Variants in RARB observed in about 807,000 individuals in gnomAD.
The protein encoded by RARB is retinoic acid receptor beta, also known as HBV-activated protein.
A neutral mutation model predicts 51.9 loss-of-function variants in RARB; 17 were observed. That is an observed-to-expected ratio of 0.33 (90% confidence interval 0.22 to 0.49). RARB has a LOEUF of 0.49. RARB is among the 20% of genes least tolerant of loss of function. The pLI, the probability that RARB is intolerant of heterozygous loss-of-function variation, is 0.99. For missense variants in RARB, 369 were observed against 550.8 expected (o/e 0.67, Z 3.30); for synonymous variants, 215 against 195.4 (o/e 1.10, Z -0.84).
chr3:25,063,586 G>T (rs1466190567), intron 3 of RARB, among the ~76,000 whole-genome samples: 3 of 151,960 alleles, frequency 2.0e-5, no homozygotes, highest in African/African-American at 7.3e-5. Context: ...AGTGAAAAAT[G>T]CTTCCAATAA....
At chr3:24,968,853 A>T (rs1696333130) in intron 2 of RARB, among the ~76,000 whole-genome samples, 1 of 152,160 alleles carries the variant, frequency 6.6e-6, no homozygotes, top group South Asian at 2.1e-4. Context: ...GCAAGGAAAC[A>T]TATGTAAATG....
intron 5 of RARB, among the ~76,000 whole-genome samples, chr3:25,413,726 T>G (rs1707627586): frequency 6.6e-6 from 1 of 152,204 alleles, no homozygotes; most frequent in Non-Finnish European, 1.5e-5. Flanking sequence ...ATTGTGGTCT[T>G]AAATTTTATT....
chr3:25,558,534 T>C (rs1419697814), intron 3 of RARB, among the ~76,000 whole-genome samples: 1 of 145,772 alleles, frequency 6.9e-6, no homozygotes, highest in Non-Finnish European at 1.5e-5. Context: ...TGGCCCTTTT[T>C]TTTTTTTTTT....
intron 2 of RARB, among the ~76,000 whole-genome samples, chr3:24,908,393 G>A (rs1694912785): frequency 2.0e-5 from 3 of 152,094 alleles, no homozygotes; most frequent in Admixed American, 2.0e-4. Flanking sequence ...GTCACCATAT[G>A]CTATGTACAT....
intron 3 of RARB, among the ~76,000 whole-genome samples, chr3:25,545,158 T>G (rs527570808): frequency 1.3e-5 from 2 of 152,228 alleles, no homozygotes; most frequent in African/African-American, 4.8e-5. Context: ...TTGGCCAGGC[T>G]GGTCTCGAAC....
intron 5 of RARB, among the ~76,000 whole-genome samples, chr3:25,336,024 T>C (rs1247886090): frequency 1.3e-5 from 2 of 151,374 alleles, no homozygotes; most frequent in Admixed American, 6.6e-5. Context: ...ATTTTCCTAA[T>C]AGGTTTTTTT....
At chr3:25,103,658 C>A (rs916010378) in intron 3 of RARB, among the ~76,000 whole-genome samples, 2 of 152,216 alleles carry the variant, frequency 1.3e-5, no homozygotes, top group African/African-American at 2.4e-5. Context: ...AGCTAATCCT[C>A]ACAGCTAATT....
intron 5 of RARB, among the ~76,000 whole-genome samples, chr3:25,349,979 T>G (rs1192304143): frequency 1.3e-5 from 2 of 152,106 alleles, no homozygotes; most frequent in African/African-American, 4.8e-5. Context: ...GGCCTTGGTT[T>G]TCCTCTCTGT....
intron 1 of RARB, among the ~76,000 whole-genome samples, chr3:24,836,191 G>A (rs1702343032): frequency 6.6e-6 from 1 of 152,160 alleles, no homozygotes; most frequent in Admixed American, 6.6e-5. Flanking sequence ...GACCACCAAG[G>A]AATGAGCAAA....
chr3:25,184,616 C>T (rs978690089), intron 5 of RARB, among the ~76,000 whole-genome samples: 1 of 151,978 alleles, frequency 6.6e-6, no homozygotes, highest in Non-Finnish European at 1.5e-5. Flanking sequence ...GATTTTTAAC[C>T]TCTGTGTGCC....
chr3:25,348,247 A>G (rs1444523476), intron 5 of RARB, among the ~76,000 whole-genome samples: 1 of 152,200 alleles, frequency 6.6e-6, no homozygotes, highest in African/African-American at 2.4e-5. Flanking sequence ...TAAACTATAT[A>G]AAAACAGATA....
chr3:24,904,813 C>T (rs1034347391), intron 2 of RARB, among the ~76,000 whole-genome samples: 1 of 152,136 alleles, frequency 6.6e-6, no homozygotes, highest in Non-Finnish European at 1.5e-5. Context: ...ACATATACAC[C>T]ATGGAATACT....
chr3:25,536,139 T>A (rs1440067658), intron 3 of RARB, among the ~76,000 whole-genome samples: 1 of 152,174 alleles, frequency 6.6e-6, no homozygotes, highest in Non-Finnish European at 1.5e-5. Flanking sequence ...ATTCAAAACA[T>A]ATTCAGTAGA....
chr3:24,840,857 C>A (rs1176202600), intron 1 of RARB, among the ~76,000 whole-genome samples: 1 of 151,236 alleles, frequency 6.6e-6, no homozygotes, highest in Non-Finnish European at 1.5e-5. Flanking sequence ...GACATCTATC[C>A]TTTTCCAGAT....
chr3:25,183,872 T>G (rs1251486086), intron 5 of RARB, among the ~76,000 whole-genome samples: 2 of 152,144 alleles, frequency 1.3e-5, no homozygotes, highest in African/African-American at 4.8e-5. Context: ...GTTATGTAAT[T>G]AGTTGTACAC....
At chr3:24,904,179 GTCTTA>G (rs906144217) in intron 2 of RARB, among the ~76,000 whole-genome samples, 5 of 152,112 alleles carry the variant, frequency 3.3e-5, no homozygotes, top group African/African-American at 4.8e-5. Context: ...ACTTCCAACT[GTCTTA>G]TCTTTAAAAT....
Position 25,102,036 on chromosome 3 carries a change from T to A in RARB, c.-327-30125T>A, listed in dbSNP as rs533840569. 5.1e-4 allele frequency among the ~76,000 whole-genome samples: 77 copies of A among 152,276 alleles called. 1 individual carries two copies. Among genetic ancestry groups the A allele is most frequent in the African/African-American group, 1.7e-3 (71 of 41,562 alleles). On this transcript the variant is annotated intron_variant, in intron 3 of 11. Transcript: ENST00000383772. ...CAGTCCTTAAACCAACATTTTTGGA[T>A]CCAGATTTATGAACAAATTTAAAAT...
chr3:25,206,519 T>C (rs2125374922), intron 5 of RARB, among the ~76,000 whole-genome samples: 1 of 152,300 alleles, frequency 6.6e-6, no homozygotes, highest in South Asian at 2.1e-4. Context: ...TGTTTTCATT[T>C]TGAACCTTTC....
chr3:24,982,359 T>C (rs1696696449), intron 2 of RARB, among the ~76,000 whole-genome samples: 1 of 152,220 alleles, frequency 6.6e-6, no homozygotes, highest in South Asian at 2.1e-4. Flanking sequence ...TCTCAGAGTG[T>C]AAGAGAGCTT....
Sources: gnomAD v4.1 joint callset for allele counts (sites outside exome capture counted in the v4.1 genomes callset) on GRCh38, gnomAD v4.1.1 for gene constraint, MANE v1.5 for transcripts, NCBI Gene and HGNC (gene_info 2026-07-23, HGNC 2026-07-21) for gene names.